The following LARP4 variants were observed in gnomAD, a reference collection of about 807,000 sequenced individuals.
LARP4 encodes the protein la-related protein 4.
A neutral mutation model predicts 92.9 loss-of-function variants in LARP4; 29 were observed. The observed-to-expected ratio is 0.31, with a 90% confidence interval of 0.23 to 0.43. LARP4 has a LOEUF of 0.43. LARP4 is among the 20% of genes least tolerant of loss of function. The pLI is 1.00. For missense variants in LARP4, 732 were observed against 860.0 expected (o/e 0.85, Z 1.86); for synonymous variants, 279 against 284.1 (o/e 0.98, Z 0.18).
intron 1 of LARP4, among the ~76,000 whole-genome samples, chr12:50,419,426 G>A (rs945236827): frequency 1.3e-5 from 2 of 152,112 alleles, no homozygotes; most frequent in African/African-American, 4.8e-5. Context: ...TTTAGCCTTG[G>A]CTCTGGGTTG....
At chr12:50,454,565 T>C in intron 10 of LARP4, 148 bp downstream of exon 10, 1 of 501,048 alleles carries the variant, frequency 2.0e-6, no homozygotes, top group Admixed American at 3.8e-5. Context: ...ATGAACAGTT[T>C]AATCTAGAAT....
chr12:50,431,204 G>T (rs987050095), intron 4 of LARP4, among the ~76,000 whole-genome samples: 1 of 152,016 alleles, frequency 6.6e-6, no homozygotes, highest in Non-Finnish European at 1.5e-5. Context: ...GGAGGCGAAG[G>T]TTGTGGTGAG....
At chr12:50,441,913 T>C (rs1951270026) in intron 8 of LARP4, among the ~76,000 whole-genome samples, 1 of 152,066 alleles carries the variant, frequency 6.6e-6, no homozygotes, top group Non-Finnish European at 1.5e-5. Flanking sequence ...AGCCGGGTGT[T>C]GTGGCACACG....
chr12:50,407,624 C>A (rs1464483539), intron 1 of LARP4, among the ~76,000 whole-genome samples: 1 of 152,042 alleles, frequency 6.6e-6, no homozygotes, highest in Non-Finnish European at 1.5e-5. Flanking sequence ...GCAAGTGGAT[C>A]ACTTGAGGCC....
chr12:50,428,830 G>T, intron 2 of LARP4, 105 bp from the exon 3 acceptor site: 1 of 815,136 alleles, frequency 1.2e-6, no homozygotes, highest in Non-Finnish European at 1.9e-6. Flanking sequence ...ATTTCAAACT[G>T]GTAGAAATCC....
At chr12:50,463,371 C>G (rs1389110594) in intron 12 of LARP4, among the ~76,000 whole-genome samples, 2 of 133,426 alleles carry the variant, frequency 1.5e-5, no homozygotes, top group South Asian at 4.9e-4. Flanking sequence ...ATCACTTGAG[C>G]TCAGGAGTTG....
At chr12:50,467,291 A>G (rs1405489774) in intron 13 of LARP4, among the ~76,000 whole-genome samples, 171 bp downstream of exon 13, 1 of 151,394 alleles carries the variant, frequency 6.6e-6, no homozygotes, top group Non-Finnish European at 1.5e-5. Context: ...ATGAAGCTGC[A>G]CAAAGGCAAT....
In LARP4 at chr12:50,435,625, G is replaced by A. The variant is rs1294322803; in HGVS notation, c.535+1G>A. On this transcript the variant is annotated splice_donor_variant, in intron 5 of 15. Transcript: ENST00000398473. LOFTEE classifies it high-confidence loss of function. The stretch of plus-strand genomic sequence containing the variant: ...GATCTAATTCTTGAAGTGTTAAGAT[G>A]TATGTAAAAATACCTTTTAGCTTTT... The A allele has an allele frequency of 6.4e-7, 1 of 1,570,312 alleles. No homozygotes were observed. Among genetic ancestry groups the A allele is most frequent in the Non-Finnish European group, 8.6e-7 (1 of 1,160,286 alleles).
chr12:50,416,664 G>A (rs141066794), intron 1 of LARP4, among the ~76,000 whole-genome samples: 4 of 152,094 alleles, frequency 2.6e-5, no homozygotes, highest in African/African-American at 4.8e-5. Context: ...ATCCTAGGCC[G>A]CAGAGTGAGA....
chr12:50,467,489 G>T (rs1408747909), intron 13 of LARP4, among the ~76,000 whole-genome samples: 1 of 151,876 alleles, frequency 6.6e-6, no homozygotes, highest in African/African-American at 2.4e-5. Flanking sequence ...TTTTAGTAGA[G>T]ACAGGGTTTC....
chr12:50,445,333 C>G (rs1028235385), intron 8 of LARP4, among the ~76,000 whole-genome samples: 1 of 151,934 alleles, frequency 6.6e-6, no homozygotes, highest in Admixed American at 6.6e-5. Flanking sequence ...ATGGTTCTTC[C>G]CCTGTATATG....
intron 8 of LARP4, among the ~76,000 whole-genome samples, chr12:50,444,046 A>G (rs1232170957): frequency 6.6e-6 from 1 of 152,182 alleles, no homozygotes; most frequent in Non-Finnish European, 1.5e-5. Context: ...ATTTTAGAAT[A>G]TTTGTCTAGT....
At chr12:50,437,892 G>C (rs939339404) in intron 6 of LARP4, 54 bp downstream of exon 6, 7 of 1,202,684 alleles carry the variant, frequency 5.8e-6, no homozygotes, top group Non-Finnish European at 8.4e-6. Context: ...ATTAAAAGAG[G>C]TTTCTTCTGC....
At chr12:50,475,354 G>T (rs535414194) in intron 15 of LARP4, among the ~76,000 whole-genome samples, 172 bp from the exon 16 acceptor site, 2 of 152,088 alleles carry the variant, frequency 1.3e-5, no homozygotes, top group African/African-American at 4.8e-5. Context: ...TGAAATTATT[G>T]TATAATAAAT....
intron 12 of LARP4, 48 bp downstream of exon 12, chr12:50,462,678 T>A (rs1423436869): frequency 1.6e-6 from 2 of 1,224,970 alleles, no homozygotes; most frequent in Admixed American, 3.8e-5. Context: ...TTCTGTGATT[T>A]ACTATGGCAT....
intron 1 of LARP4, among the ~76,000 whole-genome samples, chr12:50,409,263 A>G (rs1260053732): frequency 6.6e-6 from 1 of 152,150 alleles, no homozygotes; most frequent in Non-Finnish European, 1.5e-5. Context: ...AGACTGAGCC[A>G]CTTTTTGTTT....
chr12:50,440,985 G>A (rs1367602935), intron 7 of LARP4, among the ~76,000 whole-genome samples: 1 of 151,292 alleles, frequency 6.6e-6, no homozygotes. Context: ...CTGGGTTCAA[G>A]TGATTCTCCT....
rs762967579 is a variant in LARP4, at chr12:50,435,473, A to G, written c.399-15A>G. On this transcript the variant is annotated splice_polypyrimidine_tract_variant and intron_variant, in intron 4 of 15. Coordinates refer to ENST00000398473, the MANE Select transcript of LARP4 (RefSeq NM_052879.5). ...TAATAATTGCTTGTTTTATAGGACT[A>G]TTTTGTTTTTTCAGAGAAAATTTGT... The G allele has an allele frequency of 9.0e-5, 74 of 824,424 alleles. No individual in the cohort carries two copies. The highest frequency in any genetic ancestry group is 1.1e-4 in the Non-Finnish European group (59 of 558,192). The allele number at this position is 824,424 out of a possible 1,614,324, so 51.1% of individuals were successfully genotyped here. A position where few individuals can be genotyped will look rare whatever the true frequency, so the allele number is the denominator to read the frequency against.
chr12:50,423,205 A>T (rs1389328079), intron 1 of LARP4, among the ~76,000 whole-genome samples: 1 of 152,102 alleles, frequency 6.6e-6, no homozygotes, highest in Non-Finnish European at 1.5e-5. Context: ...TTTTTCCTTT[A>T]AAAAATTTTT....
Sources: gnomAD v4.1 joint callset for allele counts (sites outside exome capture counted in the v4.1 genomes callset) on GRCh38, gnomAD v4.1.1 for gene constraint, MANE v1.5 for transcripts, NCBI Gene and HGNC (gene_info 2026-07-23, HGNC 2026-07-21) for gene names.